The following IQCJ variants were observed in gnomAD, a reference collection of about 807,000 sequenced individuals.
IQCJ encodes the protein IQ domain-containing protein J.
In IQCJ, 9 loss-of-function variants were observed where a neutral mutation model predicts 11.0. The observed-to-expected ratio is 0.82, with a 90% CI of 0.49 to 1.43. The LOEUF (loss-of-function observed/expected upper bound fraction) is 1.43, where lower values mean the gene tolerates loss of function less well. Among genes scored for constraint, IQCJ ranks in the 40% most tolerant of loss-of-function variants. The pLI is 0.00. For missense variants in IQCJ, 146 were observed against 133.2 expected, an observed-to-expected ratio of 1.10 and a Z score of -0.47; for synonymous variants, 55 against 51.3, an observed-to-expected ratio of 1.07 and a Z score of -0.31.
At chr3:159,085,447 T>C (rs967372964) in intron 1 of IQCJ, among the ~76,000 whole-genome samples, 14 of 151,986 alleles carry the variant, frequency 9.2e-5, no homozygotes, top group African/African-American at 3.4e-4. Flanking sequence ...ATGGGATGGC[T>C]GGGTCAAATG....
intron 1 of IQCJ, among the ~76,000 whole-genome samples, chr3:159,191,465 C>T (rs958856233): frequency 6.6e-6 from 1 of 152,086 alleles, no homozygotes; most frequent in Non-Finnish European, 1.5e-5. Flanking sequence ...TTGATTTTTC[C>T]TCAGGGTGGG....
At chr3:159,212,403 AT>A (rs1444790851) in intron 1 of IQCJ, among the ~76,000 whole-genome samples, 1 of 152,194 alleles carries the variant, frequency 6.6e-6, no homozygotes, top group Admixed American at 6.5e-5. Context: ...GGTTGTGAAG[AT>A]GAAATGAATT....
chr3:159,116,658 A>G (rs1426471462), intron 1 of IQCJ, among the ~76,000 whole-genome samples: 2 of 31,090 alleles, frequency 6.4e-5, no homozygotes, highest in Non-Finnish European at 1.2e-4. Flanking sequence ...ATATATATAT[A>G]TATATATATA....
chr3:159,164,864 T>G (rs143945188), intron 1 of IQCJ, among the ~76,000 whole-genome samples: 1 of 152,302 alleles, frequency 6.6e-6, no homozygotes, highest in East Asian at 1.9e-4. Flanking sequence ...TAGAGCTCTT[T>G]TGGAAGGTAT....
chr3:159,234,679 G>A (rs563726438), intron 1 of IQCJ, among the ~76,000 whole-genome samples: 1 of 152,092 alleles, frequency 6.6e-6, no homozygotes, highest in Non-Finnish European at 1.5e-5. Flanking sequence ...TTAAAGAAAA[G>A]CAATTAGGCA....
At chr3:159,169,719 A>AG (rs1277099710) in intron 1 of IQCJ, among the ~76,000 whole-genome samples, 1 of 152,170 alleles carries the variant, frequency 6.6e-6, no homozygotes, top group Non-Finnish European at 1.5e-5. Context: ...AGCTTAGATC[A>AG]GTTGGACCCA....
chr3:159,235,508 T>A (rs886312681), intron 1 of IQCJ, among the ~76,000 whole-genome samples: 2 of 152,218 alleles, frequency 1.3e-5, no homozygotes, highest in Non-Finnish European at 2.9e-5. Context: ...GGCTGGCTTA[T>A]CCTGTCTAAC....
At position 159,074,577 on chromosome 3, in the gene IQCJ, G is replaced by A. The variant is rs113798193; in HGVS notation, c.9+5136G>A. On this transcript the variant is annotated intron_variant, in intron 1 of 3. Coordinates refer to ENST00000397832, the MANE Select transcript of IQCJ (RefSeq NM_001042706.3). ...TCATTTTTCTTTCATCTCAGGCACT[G>A]CTCGTTCAACTCCTCAAATTTTGCC... Among the ~76,000 whole-genome samples the A allele has an allele frequency of 4.5e-4, 69 of 152,110 alleles. 1 individual carries two copies. The highest frequency in any genetic ancestry group is 1.5e-3 in the African/African-American group (64 of 41,514).
intron 1 of IQCJ, among the ~76,000 whole-genome samples, chr3:159,101,483 C>T (rs1267085216): frequency 6.6e-6 from 1 of 152,160 alleles, no homozygotes; most frequent in Non-Finnish European, 1.5e-5. Flanking sequence ...CTGTTGGAGG[C>T]AAGGTTGCTT....
intron 1 of IQCJ, among the ~76,000 whole-genome samples, chr3:159,093,527 G>T (rs2108087287): frequency 6.6e-6 from 1 of 151,876 alleles, no homozygotes. Flanking sequence ...CCTCGAAACT[G>T]ATGTCACCAT....
rs184507792 is a variant in IQCJ, at chr3:159,217,287, A to G, written c.10-28556A>G. Among the ~76,000 whole-genome samples the G allele has an allele frequency of 2.6e-5, 4 of 152,316 alleles. No homozygotes were observed. The East Asian group carries it at 7.7e-4, about 29-fold the overall frequency. On this transcript the variant is annotated intron_variant, in intron 1 of 3. Coordinates refer to ENST00000397832, the MANE Select transcript of IQCJ (RefSeq NM_001042706.3). ...TTGCACTATAGCACTTATAAATAGT[A>G]TTAAATTGTTGTTTTCTTATTGGGT... is the stretch of plus-strand genomic sequence containing the variant.
intron 1 of IQCJ, among the ~76,000 whole-genome samples, chr3:159,146,452 GAAGA>G (rs969111325): frequency 6.6e-6 from 1 of 152,160 alleles, no homozygotes; most frequent in African/African-American, 2.4e-5. Flanking sequence ...CCACATAAAA[GAAGA>G]AGGAGAGGGG....
Position 159,167,616 on chromosome 3 carries a change from A to T in IQCJ, c.10-78227A>T, listed in dbSNP as rs576319836. 3.9e-5 allele frequency among the ~76,000 whole-genome samples: 6 copies of T among 152,320 alleles called. 1 individual carries two copies. The South Asian group carries it at 1.2e-3, about 32-fold the overall frequency. On this transcript the variant is annotated intron_variant, in intron 1 of 3. Coordinates refer to ENST00000397832, the MANE Select transcript of IQCJ (RefSeq NM_001042706.3). ...TAAAGCGTCATGAATTGTTTTGAAG[A>T]TGGAAGAAAGTATTTTCAGGCAGAA...
chr3:159,119,503 T>A (rs1002313513), intron 1 of IQCJ, among the ~76,000 whole-genome samples: 1 of 152,188 alleles, frequency 6.6e-6, no homozygotes, highest in African/African-American at 2.4e-5. Flanking sequence ...ATTATATAAA[T>A]TTCTTGCTTT....
intron 1 of IQCJ, among the ~76,000 whole-genome samples, chr3:159,117,645 A>G (rs952390358): frequency 4.6e-5 from 7 of 152,164 alleles, no homozygotes; most frequent in African/African-American, 1.7e-4. Flanking sequence ...TTCCATTGAT[A>G]AACTGTGGGA....
chr3:159,165,972 T>G (rs1722144592), intron 1 of IQCJ, among the ~76,000 whole-genome samples: 1 of 151,980 alleles, frequency 6.6e-6, no homozygotes, highest in Non-Finnish European at 1.5e-5. Flanking sequence ...TATGTGTCTT[T>G]GGAAGTCTTT....
At chr3:159,265,261 G>C (rs774704699), downstream of IQCJ, 3 of 1,613,726 alleles carry the variant, frequency 1.9e-6, no homozygotes, top group African/African-American at 4.0e-5. Context: ...ATCTCTTGGA[G>C]GTTGCAGTCA....
intron 1 of IQCJ, among the ~76,000 whole-genome samples, chr3:159,185,121 A>G (rs1179163097): frequency 6.6e-6 from 1 of 152,110 alleles, no homozygotes; most frequent in Non-Finnish European, 1.5e-5. Context: ...GCCCATTACA[A>G]TCCATAACAG....
intron 1 of IQCJ, among the ~76,000 whole-genome samples, chr3:159,203,651 A>G (rs1481015697): frequency 1.3e-5 from 2 of 152,032 alleles, no homozygotes; most frequent in African/African-American, 4.8e-5. Flanking sequence ...GTGCTGTATC[A>G]GTGTGTGTGT....
Sources: gnomAD v4.1 joint callset for allele counts (sites outside exome capture counted in the v4.1 genomes callset) on GRCh38, gnomAD v4.1.1 for gene constraint, MANE v1.5 for transcripts, NCBI Gene and HGNC (gene_info 2026-07-23, HGNC 2026-07-21) for gene names.